Variants in ABCC1 observed in about 807,000 individuals in gnomAD.
ABCC1 encodes ATP binding cassette subfamily C member 1 (ABCC1 blood group).
ABCC1 carries 83 observed loss-of-function variants against 172.9 expected under a neutral mutation model. That is an observed-to-expected ratio of 0.48 (90% CI 0.40 to 0.58). The LOEUF (loss-of-function observed/expected upper bound fraction) is 0.58, where lower values mean the gene tolerates loss of function less well. Among genes scored for constraint, ABCC1 ranks in the 20% least tolerant of loss-of-function variants. The pLI is 0.00. For missense variants in ABCC1, 1,817 were observed against 2,002.7 expected, an observed-to-expected ratio of 0.91 and a Z score of 1.77; for synonymous variants, 937 against 825.2, an observed-to-expected ratio of 1.14 and a Z score of -2.32.
At chr16:16,035,761 C>G (rs1193223761) in intron 6 of ABCC1, among the ~76,000 whole-genome samples, 1 of 151,822 alleles carries the variant, frequency 6.6e-6, no homozygotes, top group African/African-American at 2.4e-5. Context: ...TCCCAGAGCG[C>G]TAGGATTATA....
At chr16:16,057,208 A>G (rs1426388139) in intron 12 of ABCC1, among the ~76,000 whole-genome samples, 2 of 150,894 alleles carry the variant, frequency 1.3e-5, no homozygotes, top group African/African-American at 2.4e-5. Flanking sequence ...AGAAAGAAAA[A>G]AAAAGCTGGG....
intron 1 of ABCC1, among the ~76,000 whole-genome samples, chr16:16,004,448 C>A (rs80140746): frequency 0.012 from 1,799 of 152,138 alleles, 43 homozygotes; most frequent in African/African-American, 0.042. Flanking sequence ...CTTTTTTCAG[C>A]CATCACCTCA....
intron 12 of ABCC1, among the ~76,000 whole-genome samples, chr16:16,061,772 C>CTTTTT (rs201926082): frequency 1.6e-4 from 19 of 116,210 alleles, no homozygotes; most frequent in Non-Finnish European, 1.9e-4. Flanking sequence ...TTCTTTTTTT[C>CTTTTT]TTTTTTTTTT....
At chr16:16,115,118 G>A (rs777623526) in intron 23 of ABCC1, 42 bp downstream of exon 23, 4 of 1,583,588 alleles carry the variant, frequency 2.5e-6, no homozygotes, top group Non-Finnish European at 3.5e-6. Flanking sequence ...GCCCTACTGT[G>A]CATTATATAC....
intron 29 of ABCC1, among the ~76,000 whole-genome samples, chr16:16,137,574 G>C (rs868055387): frequency 7.8e-3 from 102 of 13,056 alleles, no homozygotes; most frequent in African/African-American, 0.036. Context: ...TTTTTTTTTT[G>C]AGACGGAGGG....
intron 5 of ABCC1, among the ~76,000 whole-genome samples, chr16:16,020,633 A>C (rs1207352548): frequency 6.6e-6 from 1 of 152,166 alleles, no homozygotes; most frequent in Non-Finnish European, 1.5e-5. Flanking sequence ...TTACAGAAGA[A>C]GTTTGTCCAC....
intron 1 of ABCC1, among the ~76,000 whole-genome samples, chr16:16,006,139 A>G (rs1399071148): frequency 2.0e-5 from 3 of 152,166 alleles, no homozygotes; most frequent in African/African-American, 4.8e-5. Flanking sequence ...GGGGAAACCT[A>G]TTTTGTACTT....
chr16:16,065,698 G>T (rs918387112), intron 12 of ABCC1, among the ~76,000 whole-genome samples: 1 of 152,106 alleles, frequency 6.6e-6, no homozygotes, highest in African/African-American at 2.4e-5. Flanking sequence ...CTCCCAACAT[G>T]CTGGGATTAC....
chr16:16,051,285 T>A (rs1420050164), intron 10 of ABCC1, among the ~76,000 whole-genome samples: 1 of 152,034 alleles, frequency 6.6e-6, no homozygotes, highest in Non-Finnish European at 1.5e-5. Flanking sequence ...TCTTCCCACT[T>A]TGTCATCTCA....
intron 1 of ABCC1, among the ~76,000 whole-genome samples, chr16:15,969,066 T>G (rs953138482): frequency 1.3e-5 from 2 of 151,858 alleles, no homozygotes; most frequent in Admixed American, 6.6e-5. Flanking sequence ...AAATTAACTG[T>G]GGTGGCGCTT....
chr16:16,089,492 G>A (rs1243536760), intron 18 of ABCC1, among the ~76,000 whole-genome samples: 1 of 151,992 alleles, frequency 6.6e-6, no homozygotes, highest in South Asian at 2.1e-4. Context: ...AGGTTGTGGT[G>A]AGCCGAGGTC....
rs182143584 is a variant in ABCC1 at position 16,083,591 on chromosome 16, G to T, written c.2292+49G>T. The T allele has an allele frequency of 4.4e-6, 7 of 1,583,336 alleles. No homozygotes were observed. The South Asian group carries it at 4.5e-5, about 10-fold the overall frequency. On this transcript the variant is annotated intron_variant, in intron 17 of 30. Transcript: ENST00000399410. The stretch of plus-strand genomic sequence containing the variant: ...CCCTGAATCAGTCAGCTGTTGCCGC[G>T]TAACAAATGCTCTCACAATCTCAGT...
At chr16:15,958,353 G>C (rs1597052156) in intron 1 of ABCC1, among the ~76,000 whole-genome samples, 2 of 151,924 alleles carry the variant, frequency 1.3e-5, no homozygotes, top group East Asian at 3.9e-4. Flanking sequence ...TGGATCACTT[G>C]AGTTCCTCAG....
intron 1 of ABCC1, among the ~76,000 whole-genome samples, chr16:15,999,529 C>T (rs929854455): frequency 6.6e-6 from 1 of 151,404 alleles, no homozygotes; most frequent in Non-Finnish European, 1.5e-5. Context: ...GCAGGAGACT[C>T]GTTTGAACCC....
chr16:16,029,364 A>G (rs1391566578), intron 5 of ABCC1, among the ~76,000 whole-genome samples: 3 of 152,130 alleles, frequency 2.0e-5, no homozygotes, highest in Non-Finnish European at 2.9e-5. Context: ...CTGGGACTAC[A>G]GGCACGTGCC....
Position 16,125,833 on chromosome 16 carries a change from G to A in ABCC1, c.3741G>A (p.Leu1247=), listed in dbSNP as rs1397929049. 1 of 1,613,846 alleles carries A rather than the reference G, an allele frequency of 6.2e-7. No individual in the cohort carries two copies. Among genetic ancestry groups the A allele is most frequent in the Admixed American group, 1.7e-5 (1 of 60,004 alleles). The change falls in exon 26 of 31, where the codon CTG becomes CTA. Residue 1247 remains leucine, a synonymous_variant. Transcript: ENST00000399410. ...SLQVTTYLNW[L]VRMSSEMETN... The stretch of plus-strand genomic sequence containing the variant: ...AGGTCACCACGTACTTGAACTGGCT[G>A]GTTCGGATGTCATCTGAAATGGAAA...
At chr16:16,103,181 C>G (rs2051851447) in intron 20 of ABCC1, among the ~76,000 whole-genome samples, 1 of 152,062 alleles carries the variant, frequency 6.6e-6, no homozygotes, top group South Asian at 2.1e-4. Flanking sequence ...AAGACCTCAT[C>G]TCTACAAAAA....
intron 1 of ABCC1, among the ~76,000 whole-genome samples, chr16:15,969,679 CTT>C (rs879552597): frequency 6.8e-6 from 1 of 146,888 alleles, no homozygotes; most frequent in Non-Finnish European, 1.5e-5. Flanking sequence ...AGCCCATAGT[CTT>C]TTTTTTTTTT....
chr16:16,137,407 C>T (rs2045955977), intron 29 of ABCC1, among the ~76,000 whole-genome samples: 1 of 152,064 alleles, frequency 6.6e-6, no homozygotes, highest in Non-Finnish European at 1.5e-5. Flanking sequence ...GCGTGCAAGC[C>T]CCTATTGCAT....
Sources: allele counts gnomAD v4.1 joint callset (sites outside exome capture counted in the v4.1 genomes callset), GRCh38; gene constraint gnomAD v4.1.1; transcripts MANE v1.5; gene names NCBI Gene and HGNC (gene_info 2026-07-23, HGNC 2026-07-21).